The following DCC variants were observed in gnomAD, a reference collection of about 807,000 sequenced individuals.
The protein encoded by DCC is DCC netrin 1 receptor, also known as netrin receptor DCC.
DCC carries 58 observed loss-of-function variants against 172.5 expected under a neutral mutation model. That is an observed-to-expected ratio of 0.34 (90% CI 0.27 to 0.42). DCC has a LOEUF of 0.42. Ranked by LOEUF, DCC falls within the 10% of genes least tolerant of loss-of-function variation. The pLI is 1.00. For missense variants in DCC, 1,740 were observed against 1,791.0 expected (o/e 0.97, Z 0.51); for synonymous variants, 709 against 644.5 (o/e 1.10, Z -1.52).
intron 2 of DCC, among the ~76,000 whole-genome samples, chr18:52,836,873 A>G (rs2038715747): frequency 6.6e-6 from 1 of 152,230 alleles, no homozygotes; most frequent in South Asian, 2.1e-4. Flanking sequence ...CTGCCCTAGC[A>G]GAAGTTCTCC....
intron 1 of DCC, among the ~76,000 whole-genome samples, chr18:52,516,754 T>A (rs1426034453): frequency 6.6e-6 from 1 of 152,190 alleles, no homozygotes; most frequent in African/African-American, 2.4e-5. Flanking sequence ...TAACCTTTAT[T>A]TTTTTTCCTG....
At position 53,207,787 on chromosome 18, in the gene DCC, G is replaced by T. The variant is rs757836717; in HGVS notation, c.1831G>T (p.Asp611Tyr). The T allele has an allele frequency of 6.2e-7, 1 of 1,613,222 alleles. No individual in the cohort carries two copies. Among genetic ancestry groups the T allele is most frequent in the African/African-American group, 1.3e-5 (1 of 75,014 alleles). ...YNRYGPGVST[D>Y]DITVVTLSDV... ...TCGCTATGGTCCGGGCGTCTCTACT[G>T]ATGATATAACAGTGGTTACACTTTC... is the stretch of plus-strand genomic sequence containing the variant. The change falls in exon 11 of 29, where the codon GAT becomes TAT. Residue 611 changes from aspartate to tyrosine, a missense_variant. Transcript: ENST00000442544.
intron 14 of DCC, among the ~76,000 whole-genome samples, chr18:53,332,338 A>C (rs1324554148): frequency 6.6e-6 from 1 of 152,212 alleles, no homozygotes; most frequent in Non-Finnish European, 1.5e-5. Context: ...AGATAAATAG[A>C]AAACACATAT....
chr18:52,734,248 C>T (rs1379228875), intron 1 of DCC, among the ~76,000 whole-genome samples: 1 of 151,994 alleles, frequency 6.6e-6, no homozygotes, highest in Non-Finnish European at 1.5e-5. Context: ...AATTATAAAT[C>T]AAGTCTCCTT....
intron 1 of DCC, among the ~76,000 whole-genome samples, chr18:52,738,699 C>CT (rs373139444): frequency 0.071 from 10,782 of 151,032 alleles, 434 homozygotes; most frequent in Middle Eastern, 0.14. Context: ...CTTACTGTAA[C>CT]TTTTTTTTAC....
rs151271207 is a variant in DCC at position 53,179,073 on chromosome 18, G to A, written c.1530G>A (p.Pro510=). The change falls in exon 9 of 29, where the codon CCG becomes CCA. Residue 510 remains proline, a synonymous_variant. Coordinates refer to ENST00000442544, the MANE Select transcript of DCC (RefSeq NM_005215.4). ...TTGTGGCTTACAATGAATGGGGACC[G>A]GGAGAGAGTTCTCAACCCATCAAGG... ...FRVVAYNEWG[P]GESSQPIKVA... The A allele has an allele frequency of 5.1e-5, 82 of 1,613,784 alleles. No individual in the cohort carries two copies. The highest frequency in any genetic ancestry group is 5.8e-5 in the Non-Finnish European group (68 of 1,179,886).
intron 1 of DCC, among the ~76,000 whole-genome samples, chr18:52,624,466 G>T (rs374727288): frequency 1.4e-4 from 22 of 152,156 alleles, no homozygotes; most frequent in African/African-American, 5.1e-4. Context: ...TTTATTTTTC[G>T]CACTTAAACT....
In DCC at chr18:53,284,547, G is replaced by GT. The variant is rs987840100; in HGVS notation, c.1912-21030dup. Among the ~76,000 whole-genome samples the GT allele has an allele frequency of 2.0e-5, 3 of 152,266 alleles. No homozygotes were observed. The South Asian group carries it at 6.2e-4, about 32-fold the overall frequency. On this transcript the variant is annotated intron_variant, in intron 12 of 28. Coordinates refer to ENST00000442544, the MANE Select transcript of DCC (RefSeq NM_005215.4). ...TGAGGTCTCCCAGCCACATGAAACT[G>GT]TAAGTCCAATAAACCTCTTTCTTTT...
intron 14 of DCC, among the ~76,000 whole-genome samples, chr18:53,328,206 C>T (rs2057490313): frequency 6.6e-6 from 1 of 152,166 alleles, no homozygotes; most frequent in Non-Finnish European, 1.5e-5. Flanking sequence ...TTATAACAAA[C>T]TTTAATGTGC....
At chr18:52,613,456 C>T (rs770090753) in intron 1 of DCC, among the ~76,000 whole-genome samples, 9 of 152,044 alleles carry the variant, frequency 5.9e-5, no homozygotes, top group Admixed American at 2.0e-4. Flanking sequence ...AGGGTTTCAC[C>T]GTGTTAGCCA....
intron 1 of DCC, among the ~76,000 whole-genome samples, chr18:52,491,445 G>T (rs2144604827): frequency 6.6e-6 from 1 of 152,236 alleles, no homozygotes; most frequent in Admixed American, 6.6e-5. Flanking sequence ...TATCTTAGGA[G>T]ATAGGGAGAA....
intron 5 of DCC, among the ~76,000 whole-genome samples, chr18:52,964,573 T>G (rs2040898544): frequency 6.6e-6 from 1 of 152,114 alleles, no homozygotes. Flanking sequence ...CTGTGGGTAC[T>G]ATTTTCTAGT....
At position 52,622,401 on chromosome 18, in the gene DCC, T is replaced by C. The variant is rs549441363; in HGVS notation, c.92-129653T>C. ...TTTCTGGCCCATACCCCAAATATTT[T>C]AGTTCGGTAGTCCGGACTGGGTCCC... On this transcript the variant is annotated intron_variant, in intron 1 of 28. Transcript: ENST00000442544. Among the ~76,000 whole-genome samples the C allele has an allele frequency of 4.6e-5, 7 of 152,320 alleles. No homozygotes were observed. In the South Asian group the frequency reaches 1.2e-3, roughly 27 times the overall value.
intron 12 of DCC, among the ~76,000 whole-genome samples, chr18:53,218,502 C>A (rs562457504): frequency 6.6e-6 from 1 of 152,176 alleles, no homozygotes; most frequent in South Asian, 2.1e-4. Context: ...CTGTATCATT[C>A]TTGAAAACCC....
At chr18:53,106,420 A>G (rs958050400) in intron 7 of DCC, among the ~76,000 whole-genome samples, 2 of 151,860 alleles carry the variant, frequency 1.3e-5, no homozygotes, top group East Asian at 3.9e-4. Context: ...TGGGCATGTT[A>G]TTCTCTCCAG....
At chr18:52,939,168 T>C (rs2040424735) in intron 5 of DCC, among the ~76,000 whole-genome samples, 1 of 152,142 alleles carries the variant, frequency 6.6e-6, no homozygotes, top group African/African-American at 2.4e-5. Context: ...GCTCCTGCTT[T>C]CCCCTTATAT....
At chr18:53,197,878 A>G (rs1191306494) in intron 9 of DCC, among the ~76,000 whole-genome samples, 1 of 152,144 alleles carries the variant, frequency 6.6e-6, no homozygotes, top group African/African-American at 2.4e-5. Context: ...TAAAAAGTGT[A>G]TTAATTCATA....
At chr18:53,419,530 T>C (rs1910514572) in intron 21 of DCC, among the ~76,000 whole-genome samples, 1 of 152,272 alleles carries the variant, frequency 6.6e-6, no homozygotes, top group Non-Finnish European at 1.5e-5. Flanking sequence ...GTTTTGACTT[T>C]TGATTTTTTC....
chr18:53,310,580 C>T (rs2057254420), intron 13 of DCC, among the ~76,000 whole-genome samples: 1 of 151,746 alleles, frequency 6.6e-6, no homozygotes, highest in Non-Finnish European at 1.5e-5. Context: ...TTGTGAGAAC[C>T]CACGTCAACT....
Sources: allele counts gnomAD v4.1 joint callset (sites outside exome capture counted in the v4.1 genomes callset), GRCh38; gene constraint gnomAD v4.1.1; transcripts MANE v1.5; gene names NCBI Gene and HGNC (gene_info 2026-07-23, HGNC 2026-07-21).